Variants in RP1 observed in about 807,000 individuals in gnomAD.
RP1 encodes oxygen-regulated protein 1.
In RP1, 16 loss-of-function variants were observed where a neutral mutation model predicts 14.8. The observed-to-expected ratio is 1.08, with a 90% CI of 0.73 to 1.65. RP1 has a LOEUF of 1.65. Among genes scored for constraint, RP1 ranks in the 40% most tolerant of loss-of-function variants. The pLI is 0.00. For missense variants in RP1, 2,631 were observed against 2,535.0 expected, an observed-to-expected ratio of 1.04 and a Z score of -0.81; for synonymous variants, 876 against 883.6, an observed-to-expected ratio of 0.99 and a Z score of 0.15.
chr8:54,793,277 C>G (rs1227659920), intron 24 of RP1, among the ~76,000 whole-genome samples: 1 of 151,856 alleles, frequency 6.6e-6, no homozygotes, highest in Non-Finnish European at 1.5e-5. Flanking sequence ...CAAACCATCT[C>G]AAACTCTTCT....
At chr8:54,708,256 A>G (rs780791366) in intron 15 of RP1, among the ~76,000 whole-genome samples, 6 of 152,162 alleles carry the variant, frequency 3.9e-5, no homozygotes, top group Admixed American at 6.5e-5. Flanking sequence ...CAACATTGGA[A>G]ATGTTTATCT....
At chr8:54,704,308 G>A (rs1808098411) in intron 14 of RP1, among the ~76,000 whole-genome samples, 1 of 152,138 alleles carries the variant, frequency 6.6e-6, no homozygotes, top group Non-Finnish European at 1.5e-5. Flanking sequence ...TTTCAATATT[G>A]TTGTGTCTGA....
intron 6 of RP1, among the ~76,000 whole-genome samples, chr8:54,658,023 C>T (rs1276213103): frequency 2.6e-5 from 4 of 152,204 alleles, no homozygotes; most frequent in Non-Finnish European, 5.9e-5. Flanking sequence ...AGAACTTCTG[C>T]ATCTTACAAA....
chr8:54,676,987 A>G (rs1388917706), intron 8 of RP1, among the ~76,000 whole-genome samples: 1 of 151,920 alleles, frequency 6.6e-6, no homozygotes, highest in African/African-American at 2.4e-5. Flanking sequence ...AGGACATAAA[A>G]TTATGTATGT....
chr8:54,748,600 T>G (rs1311358771), intron 19 of RP1, among the ~76,000 whole-genome samples: 1 of 152,240 alleles, frequency 6.6e-6, no homozygotes, highest in Non-Finnish European at 1.5e-5. Context: ...ACTTTGTGTC[T>G]GATTTGCAAG....
Position 54,629,957 on chromosome 8 carries a change from A to G in RP1, c.6075A>G (p.Gln2025=), listed in dbSNP as rs373216628. ...AAGAAGGTAATTTAAAGAAATTTCA[A>G]CCAGATTTGAAGGAAAGGTTTTGTA... The part of the protein sequence containing the change: ...LEEEGNLKKF[Q]PDLKERFCMN... The change falls in exon 4 of 4, where the codon CAA becomes CAG. Residue 2025 remains glutamine (Q), a synonymous_variant. Transcript: ENST00000220676. 5.6e-6 allele frequency: 9 copies of G among 1,613,910 alleles called. No individual in the cohort carries two copies. Among genetic ancestry groups the G allele is most frequent in the African/African-American group, 2.7e-5 (2 of 74,918 alleles).
At chr8:54,841,562 G>A (rs1418145557) in intron 25 of RP1, among the ~76,000 whole-genome samples, 1 of 152,174 alleles carries the variant, frequency 6.6e-6, no homozygotes, top group African/African-American at 2.4e-5. Context: ...ATCATTCTTT[G>A]GGGGCTGAGC....
At chr8:54,692,070 G>A (rs1807727584) in intron 12 of RP1, among the ~76,000 whole-genome samples, 1 of 151,684 alleles carries the variant, frequency 6.6e-6, no homozygotes, top group African/African-American at 2.4e-5. Context: ...TGTGGTGTTT[G>A]GTTTTTTGTC....
intron 16 of RP1, among the ~76,000 whole-genome samples, chr8:54,724,556 T>G (rs551204705): frequency 3.3e-5 from 5 of 152,178 alleles, no homozygotes; most frequent in Non-Finnish European, 7.4e-5. Flanking sequence ...TTGTTTTACA[T>G]TGCTAGTGAT....
chr8:54,687,457 C>A (rs542868545), intron 12 of RP1, among the ~76,000 whole-genome samples: 242 of 152,246 alleles, frequency 1.6e-3, no homozygotes, highest in African/African-American at 5.7e-3. Flanking sequence ...CTATCCTTCC[C>A]CTAGTCCCCC....
At chr8:54,584,430 C>T (rs2129298062) in intron 1 of RP1, among the ~76,000 whole-genome samples, 1 of 152,192 alleles carries the variant, frequency 6.6e-6, no homozygotes, top group African/African-American at 2.4e-5. Flanking sequence ...ACTATGTGGT[C>T]AATTTTGGAA....
At chr8:54,575,811 C>G (rs59922745) in intron 1 of RP1, among the ~76,000 whole-genome samples, 63 of 152,202 alleles carry the variant, frequency 4.1e-4, no homozygotes, top group African/African-American at 1.5e-3. Context: ...AAGTGGGGCC[C>G]CAGTGTTTGT....
chr8:54,610,079 T>G (rs1260194717), intron 1 of RP1, among the ~76,000 whole-genome samples: 1 of 152,212 alleles, frequency 6.6e-6, no homozygotes, highest in Non-Finnish European at 1.5e-5. Context: ...CTATGCCCAG[T>G]GAAGATTTTA....
chr8:54,699,469 G>A, exon 13 of RP1: 1 of 1,356,596 alleles, frequency 7.4e-7, no homozygotes, highest in Non-Finnish European at 9.6e-7. Context: ...TTTTCCAGGT[G>A]TCTTTGATGT....
intron 1 of RP1, among the ~76,000 whole-genome samples, chr8:54,603,437 G>A (rs1379343334): frequency 9.2e-5 from 14 of 152,184 alleles, no homozygotes; most frequent in African/African-American, 2.9e-4. Flanking sequence ...TTTGGTTACT[G>A]TAGCCTTGTA....
At chr8:54,789,788 A>G (rs1472483535) in intron 24 of RP1, among the ~76,000 whole-genome samples, 1 of 152,208 alleles carries the variant, frequency 6.6e-6, no homozygotes, top group Admixed American at 6.5e-5. Flanking sequence ...AGAGCCCAGT[A>G]GAGGTCCTCA....
At chr8:54,732,390 G>C (rs2129355118) in intron 17 of RP1, among the ~76,000 whole-genome samples, 1 of 152,232 alleles carries the variant, frequency 6.6e-6, no homozygotes, top group South Asian at 2.1e-4. Flanking sequence ...TTATATGTCT[G>C]TTTTCACCAC....
At chr8:54,849,261 CTGTTTTT>C (rs1812004532) in intron 25 of RP1, among the ~76,000 whole-genome samples, 2 of 151,906 alleles carry the variant, frequency 1.3e-5, no homozygotes, top group Admixed American at 6.6e-5. Context: ...ATTGTATTTT[CTGTTTTT>C]TGTTTTTTAC....
intron 1 of RP1, among the ~76,000 whole-genome samples, chr8:54,603,490 C>T (rs1805347453): frequency 6.6e-6 from 1 of 152,132 alleles, no homozygotes; most frequent in Admixed American, 6.6e-5. Context: ...CAGCTTTGTT[C>T]TTTTGCCTTA....
Sources: gnomAD v4.1 joint callset for allele counts (sites outside exome capture counted in the v4.1 genomes callset) on GRCh38, gnomAD v4.1.1 for gene constraint, MANE v1.5 for transcripts, NCBI Gene and HGNC (gene_info 2026-07-23, HGNC 2026-07-21) for gene names.